PDZD2: variants seen among roughly 807,000 people sequenced by gnomAD.
PDZD2 encodes PDZ domain containing 2.
Under a neutral mutation model 220.7 loss-of-function variants are expected in PDZD2, and 90 were observed. The ratio of observed to expected loss-of-function variants is 0.41; its 90% confidence interval spans 0.34 to 0.49. PDZD2 has a LOEUF of 0.49. Among genes scored for constraint, PDZD2 ranks in the 20% least tolerant of loss-of-function variants. PDZD2 has a pLI of 0.28. For synonymous variants in PDZD2, 1,375 were observed against 1,450.5 expected, an observed-to-expected ratio of 0.95 and a Z score of 1.18; for missense variants, 3,174 against 3,608.5, an observed-to-expected ratio of 0.88 and a Z score of 3.08.
chr5:31,779,519 G>A (rs1041607094), intron 1 of PDZD2, among the ~76,000 whole-genome samples: 27 of 151,682 alleles, frequency 1.8e-4, no homozygotes, highest in Admixed American at 1.1e-3. Context: ...GACTACAGGC[G>A]CCCGCCACCA....
intron 1 of PDZD2, among the ~76,000 whole-genome samples, chr5:31,689,917 G>GGAAGGA (rs1327767721): frequency 6.6e-6 from 1 of 152,124 alleles, no homozygotes; most frequent in Non-Finnish European, 1.5e-5. Context: ...TCCTTCCTTA[G>GGAAGGA]GAAGGAGAAA....
At chr5:32,075,197 A>T (rs1741177708) in intron 18 of PDZD2, among the ~76,000 whole-genome samples, 1 of 152,350 alleles carries the variant, frequency 6.6e-6, no homozygotes, top group Admixed American at 6.5e-5. Context: ...ACCTGTACAC[A>T]GCACCTGTGG....
In PDZD2 at chr5:31,989,416, C is replaced by CTTTTTTT. The variant is rs1385913596; in HGVS notation, c.978+5764_978+5765insTTTTTTT. 1.6e-4 allele frequency among the ~76,000 whole-genome samples: 19 copies of CTTTTTTT among 120,632 alleles called. 1 individual carries two copies. Among genetic ancestry groups the CTTTTTTT allele is most frequent in the South Asian group, 5.9e-4 (2 of 3,414 alleles). 79.1% of individuals were successfully genotyped at this position (120,632 alleles called of 152,430 possible). A position where few individuals can be genotyped will look rare whatever the true frequency, so the allele number is the denominator to read the frequency against. ...TATTCTGTGGTATATACCACATTTT[C>CTTTTTTT]TTTTCTTTTTTTTTTTTTTTTTTTG... On this transcript the variant is annotated intron_variant, in intron 3 of 24. Coordinates refer to ENST00000438447, the MANE Select transcript of PDZD2 (RefSeq NM_178140.4).
At position 32,020,073 on chromosome 5, in the gene PDZD2, A is replaced by AT. The variant is rs34451894; in HGVS notation, c.1407+9603dup. ...CATATATATATATTTTTTTAATTTAATTTTTTTTTTTTGAGACAGAGTCAT... is the reference window on the plus strand; with the variant it reads ...CATATATATATATTTTTTTAATTTAATTTTTTTTTTTTTGAGACAGAGTCAT... On this transcript the variant is annotated intron_variant, in intron 6 of 24. Transcript: ENST00000438447. 7.5e-3 allele frequency among the ~76,000 whole-genome samples: 1,098 copies of AT among 146,154 alleles called. 15 individuals are homozygous for AT. The highest frequency in any genetic ancestry group is 0.025 in the African/African-American group (1,009 of 40,156).
At chr5:32,102,115 A>G (rs1037320345) in intron 24 of PDZD2, among the ~76,000 whole-genome samples, 21 of 152,158 alleles carry the variant, frequency 1.4e-4, no homozygotes, top group African/African-American at 5.1e-4. Context: ...TTAATAGGAA[A>G]AAATACTTTT....
intron 1 of PDZD2, among the ~76,000 whole-genome samples, chr5:31,797,927 A>C (rs1754141867): frequency 6.6e-6 from 1 of 152,208 alleles, no homozygotes; most frequent in Non-Finnish European, 1.5e-5. Flanking sequence ...AGTGAAGTTC[A>C]GAGAAGAGCG....
Position 31,932,698 on chromosome 5 carries a change from A to G in PDZD2, c.477-50457A>G, listed in dbSNP as rs373778085. Among the ~76,000 whole-genome samples the G allele has an allele frequency of 1.2e-3, 189 of 152,324 alleles. 1 individual carries two copies. The highest frequency in any genetic ancestry group is 3.4e-3 in the African/African-American group (143 of 41,576). ...ACACTGTTGTGTAACCATCACCACT[A>G]TCCATCTCCAGAAGGCTTTTCCTCT... is the stretch of plus-strand genomic sequence containing the variant. On this transcript the variant is annotated intron_variant, in intron 2 of 24. Coordinates refer to ENST00000438447, the MANE Select transcript of PDZD2 (RefSeq NM_178140.4).
chr5:31,857,922 G>A (rs1271290403), intron 2 of PDZD2, among the ~76,000 whole-genome samples: 1 of 152,152 alleles, frequency 6.6e-6, no homozygotes, highest in Non-Finnish European at 1.5e-5. Flanking sequence ...TGTCTCCCGG[G>A]TTCAAGTGAT....
intron 1 of PDZD2, among the ~76,000 whole-genome samples, chr5:31,694,909 A>G (rs1237916945): frequency 1.3e-5 from 2 of 151,922 alleles, no homozygotes; most frequent in Non-Finnish European, 2.9e-5. Flanking sequence ...GGATCAACTG[A>G]GATTAGGACT....
At chr5:31,690,556 A>G (rs1411534801) in intron 1 of PDZD2, among the ~76,000 whole-genome samples, 2 of 152,190 alleles carry the variant, frequency 1.3e-5, no homozygotes, top group Non-Finnish European at 1.5e-5. Context: ...TGCATCTTCC[A>G]GCTCTGGTGG....
chr5:31,993,050 C>T (rs1751356134), intron 3 of PDZD2, among the ~76,000 whole-genome samples: 1 of 152,080 alleles, frequency 6.6e-6, no homozygotes, highest in Non-Finnish European at 1.5e-5. Flanking sequence ...TGAAAGTTGC[C>T]ATCTTGGTGG....
chr5:31,832,826 A>G (rs1756696497), intron 2 of PDZD2, among the ~76,000 whole-genome samples: 1 of 152,152 alleles, frequency 6.6e-6, no homozygotes, highest in African/African-American at 2.4e-5. Flanking sequence ...AAAAAAAATT[A>G]AAATGGTCAA....
At chr5:31,786,158 G>A (rs1753366564) in intron 1 of PDZD2, among the ~76,000 whole-genome samples, 1 of 152,184 alleles carries the variant, frequency 6.6e-6, no homozygotes, top group Non-Finnish European at 1.5e-5. Flanking sequence ...GTTGACATAA[G>A]GTTGAACCTT....
chr5:32,003,468 C>A (rs1752547738), intron 5 of PDZD2, among the ~76,000 whole-genome samples: 1 of 129,560 alleles, frequency 7.7e-6, no homozygotes, highest in African/African-American at 3.0e-5. Flanking sequence ...ACACCCACCC[C>A]CCCCACACCA....
At chr5:31,967,664 C>T (rs926008183) in intron 2 of PDZD2, among the ~76,000 whole-genome samples, 23 of 152,210 alleles carry the variant, frequency 1.5e-4, no homozygotes, top group Non-Finnish European at 2.8e-4. Flanking sequence ...AGGCTAAGGG[C>T]ACTGCTATGT....
Position 32,090,872 on chromosome 5 carries a change from C to T in PDZD2, c.7424C>T (p.Ser2475Leu), listed in dbSNP as rs755333771. Residue 2475 changes from serine (S) to leucine (L), a missense_variant, in exon 20 of 25, where the codon TCG becomes TTG. Coordinates refer to ENST00000438447, the MANE Select transcript of PDZD2 (RefSeq NM_178140.4). The surrounding 1 kb of genome is among the most constrained non-coding windows in gnomAD (Gnocchi z 4.3). ...TCCTCGGTACGCCACACGCAGCCCTCGCCCGTGTCCCGCTCCAAGCTCCAG... is the reference window on the plus strand; with the variant it reads ...TCCTCGGTACGCCACACGCAGCCCTTGCCCGTGTCCCGCTCCAAGCTCCAG... Reference protein sequence around the residue: ...NKSSVRHTQPSPVSRSKLQEL... With the variant: ...NKSSVRHTQPLPVSRSKLQEL... The T allele has an allele frequency of 2.5e-6, 4 of 1,614,014 alleles. No individual in the cohort carries two copies. Among genetic ancestry groups the T allele is most frequent in the African/African-American group, 1.3e-5 (1 of 75,030 alleles).
At chr5:31,903,962 G>A (rs151055639) in intron 2 of PDZD2, among the ~76,000 whole-genome samples, 87 of 151,658 alleles carry the variant, frequency 5.7e-4, no homozygotes, top group African/African-American at 2.1e-3. Flanking sequence ...GACCTCAGGT[G>A]ATCTGCCTGT....
intron 2 of PDZD2, among the ~76,000 whole-genome samples, chr5:31,970,174 C>T (rs939701349): frequency 9.9e-5 from 15 of 152,054 alleles, no homozygotes; most frequent in African/African-American, 3.4e-4. Flanking sequence ...GGATTACAGA[C>T]GTGAGCCACC....
chr5:32,101,155 T>C lies in PDZD2; in HGVS notation c.8269T>C (p.Ser2757Pro). 1 of 1,614,042 alleles carries C rather than the reference T, an allele frequency of 6.2e-7. No homozygotes were observed. Among genetic ancestry groups the C allele is most frequent in the Non-Finnish European group, 8.5e-7 (1 of 1,179,954 alleles). ...DALCVEVLKT[S>P]AGLGLSLDGG... is the part of the protein sequence containing the mutation. ...TCTGTGTGTTGAAGTGCTGAAGACC[T>C]CGGCTGGGCTGGGACTGAGTCTGGA... Residue 2757 changes from serine to proline, a missense_variant, in exon 24 of 25, where the codon TCG becomes CCG. Physicochemically the swap from Ser to Pro is moderately conservative, Grantham distance 74 (BLOSUM62 -1). Transcript: ENST00000438447.
Sources: allele counts gnomAD v4.1 joint callset (sites outside exome capture counted in the v4.1 genomes callset), GRCh38; gene constraint gnomAD v4.1.1; non-coding constraint Gnocchi (gnomAD v3.1); transcripts MANE v1.5; gene names NCBI Gene and HGNC (gene_info 2026-07-23, HGNC 2026-07-21).